Variants in GRIK2 observed in about 807,000 individuals in gnomAD.
The protein encoded by GRIK2 is glutamate ionotropic receptor kainate type subunit 2, also known as glutamate receptor ionotropic, kainate 2.
A neutral mutation model predicts 100.3 loss-of-function variants in GRIK2; 32 were observed. That is an observed-to-expected ratio of 0.32 (90% CI 0.24 to 0.43). GRIK2 has a LOEUF of 0.43. GRIK2 is among the 20% of genes least tolerant of loss of function. The probability of loss-of-function intolerance (pLI) is 1.00; values close to 1 mark genes in which losing one functional copy is unlikely to be tolerated. For synonymous variants in GRIK2, 417 were observed against 389.4 expected, an observed-to-expected ratio of 1.07 and a Z score of -0.83; for missense variants, 843 against 1,114.9, an observed-to-expected ratio of 0.76 and a Z score of 3.47.
intron 14 of GRIK2, among the ~76,000 whole-genome samples, chr6:101,958,773 A>T (rs993510064): frequency 6.6e-6 from 1 of 152,134 alleles, no homozygotes; most frequent in East Asian, 1.9e-4. Context: ...TTCTGAATCT[A>T]TTGAGATGAG....
At chr6:101,458,006 T>G (rs1771099566) in intron 2 of GRIK2, among the ~76,000 whole-genome samples, 1 of 152,130 alleles carries the variant, frequency 6.6e-6, no homozygotes, top group Non-Finnish European at 1.5e-5. Context: ...GCAAAAGCAC[T>G]TAAGCCATCA....
chr6:102,037,209 G>A (rs1025806003), intron 15 of GRIK2, among the ~76,000 whole-genome samples: 1 of 150,662 alleles, frequency 6.6e-6, no homozygotes, highest in African/African-American at 2.4e-5. Flanking sequence ...TTATTGAAAT[G>A]AAAAAAAACA....
chr6:101,774,694 T>C (rs757703716), intron 7 of GRIK2, among the ~76,000 whole-genome samples: 3 of 152,194 alleles, frequency 2.0e-5, no homozygotes, highest in Non-Finnish European at 4.4e-5. Context: ...TTCACAGCTG[T>C]CCTTTAATCA....
chr6:102,051,354 G>A (rs1017673853), intron 15 of GRIK2, among the ~76,000 whole-genome samples: 1 of 142,432 alleles, frequency 7.0e-6, no homozygotes, highest in African/African-American at 2.6e-5. Context: ...TGGTAAAAGG[G>A]ATCTTTTGGC....
intron 2 of GRIK2, among the ~76,000 whole-genome samples, chr6:101,534,385 C>A (rs1775589096): frequency 6.6e-6 from 1 of 151,868 alleles, no homozygotes; most frequent in African/African-American, 2.4e-5. Context: ...TTAAGTTATG[C>A]TGTTTCTAAA....
chr6:101,694,868 A>C (rs1772367426), intron 7 of GRIK2, among the ~76,000 whole-genome samples: 2 of 151,620 alleles, frequency 1.3e-5, no homozygotes, highest in Non-Finnish European at 2.9e-5. Flanking sequence ...TCCTCCCCCC[A>C]AAAATTTAAA....
At chr6:101,415,145 G>A (rs1372279837) in intron 2 of GRIK2, among the ~76,000 whole-genome samples, 2 of 151,694 alleles carry the variant, frequency 1.3e-5, no homozygotes, top group Non-Finnish European at 2.9e-5. Context: ...ATTAATTCTT[G>A]TTAAAAATTA....
intron 4 of GRIK2, among the ~76,000 whole-genome samples, chr6:101,657,815 T>C (rs1228079728): frequency 6.6e-6 from 1 of 152,132 alleles, no homozygotes; most frequent in Non-Finnish European, 1.5e-5. Context: ...TAAGAAATTC[T>C]ATTTCCAGGG....
At chr6:102,005,118 G>A (rs952225682) in intron 14 of GRIK2, among the ~76,000 whole-genome samples, 2 of 149,024 alleles carry the variant, frequency 1.3e-5, no homozygotes, top group African/African-American at 5.1e-5. Flanking sequence ...TAGAATAGAA[G>A]GATAATATTT....
intron 2 of GRIK2, among the ~76,000 whole-genome samples, chr6:101,582,782 A>G (rs559073017): frequency 3.9e-5 from 6 of 152,302 alleles, no homozygotes; most frequent in African/African-American, 9.6e-5. Context: ...ATGGAACTGT[A>G]TAGTTCACAT....
At chr6:102,023,796 T>C (rs1157016192) in intron 14 of GRIK2, among the ~76,000 whole-genome samples, 1 of 151,528 alleles carries the variant, frequency 6.6e-6, no homozygotes, top group African/African-American at 2.4e-5. Context: ...GGGGTTGGGT[T>C]AAACAGTTCA....
chr6:101,911,678 G>A (rs561392754), intron 12 of GRIK2, among the ~76,000 whole-genome samples: 2 of 151,236 alleles, frequency 1.3e-5, no homozygotes, highest in Admixed American at 6.6e-5. Context: ...TCAAATAATG[G>A]TCCCATCCAA....
intron 7 of GRIK2, among the ~76,000 whole-genome samples, chr6:101,732,458 A>G (rs1294800546): frequency 6.6e-6 from 1 of 151,986 alleles, no homozygotes; most frequent in Non-Finnish European, 1.5e-5. Flanking sequence ...CTACTATTTT[A>G]AGGGTTAGTT....
chr6:101,960,053 G>GTTTTTTTTTTT (rs781532291), intron 14 of GRIK2, among the ~76,000 whole-genome samples: 1 of 131,030 alleles, frequency 7.6e-6, no homozygotes, highest in African/African-American at 2.9e-5. Flanking sequence ...TTAGTGTTTT[G>GTTTTTTTTTTT]TTTTTTTTTT....
intron 7 of GRIK2, among the ~76,000 whole-genome samples, chr6:101,705,003 ATATATT>A (rs1224669403): frequency 2.4e-4 from 32 of 131,500 alleles, no homozygotes; most frequent in East Asian, 1.6e-3. Context: ...ATTATATTAC[ATATATT>A]TATATTTATA....
chr6:101,677,598 C>T (rs1371528228), intron 5 of GRIK2, among the ~76,000 whole-genome samples: 1 of 152,040 alleles, frequency 6.6e-6, no homozygotes, highest in Non-Finnish European at 1.5e-5. Context: ...ATGGCCAGAA[C>T]AAGGCCCTAC....
intron 10 of GRIK2, among the ~76,000 whole-genome samples, chr6:101,825,259 C>T (rs1782245392): frequency 6.6e-6 from 1 of 152,128 alleles, no homozygotes; most frequent in Non-Finnish European, 1.5e-5. Flanking sequence ...TTTTTCTCAC[C>T]ATATTTTTTC....
intron 11 of GRIK2, among the ~76,000 whole-genome samples, chr6:101,867,907 G>A (rs1487626740): frequency 6.7e-6 from 1 of 150,140 alleles, no homozygotes; most frequent in Admixed American, 6.6e-5. Context: ...ATTTTATTTG[G>A]CAATTGTATC....
intron 15 of GRIK2, among the ~76,000 whole-genome samples, chr6:102,040,372 T>G (rs561743924): frequency 6.6e-6 from 1 of 151,610 alleles, no homozygotes; most frequent in East Asian, 1.9e-4. Context: ...TCTATGAATA[T>G]CAAAAAGCAG....
Sources: gnomAD v4.1 joint callset for allele counts (sites outside exome capture counted in the v4.1 genomes callset) on GRCh38, gnomAD v4.1.1 for gene constraint, MANE v1.5 for transcripts, NCBI Gene and HGNC (gene_info 2026-07-23, HGNC 2026-07-21) for gene names.